Variants in PIK3CG observed in about 807,000 individuals in gnomAD.
PIK3CG encodes the protein phosphatidylinositol 4,5-bisphosphate 3-kinase catalytic subunit gamma isoform.
PIK3CG carries 55 observed loss-of-function variants against 102.3 expected under a neutral mutation model. The ratio of observed to expected loss-of-function variants is 0.54; its 90% CI spans 0.43 to 0.67. The LOEUF is 0.67. PIK3CG is among the 30% of genes least tolerant of loss of function. The pLI is 0.00. For missense variants in PIK3CG, 1,258 were observed against 1,391.8 expected (o/e 0.90, Z 1.53); for synonymous variants, 552 against 540.0 (o/e 1.02, Z -0.31).
intron 10 of PIK3CG, among the ~76,000 whole-genome samples, chr7:106,904,831 A>G (rs1180681790): frequency 6.6e-6 from 1 of 152,238 alleles, no homozygotes; most frequent in East Asian, 1.9e-4. Flanking sequence ...CTCTTGGGAA[A>G]GAAACTGAAT....
At position 106,875,076 on chromosome 7, in the gene PIK3CG, C is replaced by T. The variant is rs192617196; in HGVS notation, c.2391+273C>T. 7.6e-4 allele frequency among the ~76,000 whole-genome samples: 115 copies of T among 152,214 alleles called. 2 individuals carry two copies. The highest frequency in any genetic ancestry group is 6.2e-3 in the Admixed American group (95 of 15,298). On this transcript the variant is annotated intron_variant, in intron 5 of 10. Coordinates refer to ENST00000496166, the MANE Select transcript of PIK3CG (RefSeq NM_001282426.2). ...TAAAATGTAGAATTCAGGGAACAGG[C>T]GCGGTAGCTCACGCCTGTAATCCCA... is the stretch of plus-strand genomic sequence containing the variant.
intron 1 of PIK3CG, among the ~76,000 whole-genome samples, chr7:106,866,134 C>T (rs1790274775): frequency 6.6e-6 from 1 of 152,168 alleles, no homozygotes; most frequent in Non-Finnish European, 1.5e-5. Context: ...TTATCAAGCT[C>T]TCCTTTTTGG....
In PIK3CG at chr7:106,879,542, C is replaced by G. The variant is rs1790871190; in HGVS notation, c.2415C>G (p.Ala805=). 2 of 1,613,632 alleles carry G rather than the reference C, an allele frequency of 1.2e-6. No individual in the cohort carries two copies. Among genetic ancestry groups the G allele is most frequent in the East Asian group, 2.2e-5 (1 of 44,866 alleles). ...AGATTGAAAAATGTAAAGTAATGGCCTCCAAGAAAAAACCACTATGGCTTG... is the reference window on the plus strand; with the variant it reads ...AGATTGAAAAATGTAAAGTAATGGCGTCCAAGAAAAAACCACTATGGCTTG... ...ALAIEKCKVM[A]SKKKPLWLEF... is the part of the protein sequence containing the mutation. The change falls in exon 6 of 11, where the codon GCC becomes GCG. Residue 805 remains alanine (A), a synonymous_variant. Transcript: ENST00000496166. This position sits in a 1 kb window ranked among gnomAD's most constrained non-coding sequence, Gnocchi z 4.9.
chr7:106,891,280 G>T lies in PIK3CG; in HGVS notation c.3030+4988G>T, dbSNP rs1791256177. On this transcript the variant is annotated intron_variant, in intron 10 of 10. Transcript: ENST00000496166. The surrounding 1 kb of genome is among the most constrained non-coding windows in gnomAD (Gnocchi z 4.4). ...TGAGTTTCACAATAACTCAGGCCCA[G>T]ATTGACAGACCATCATCACATGGAA... is the stretch of plus-strand genomic sequence containing the variant. Among the ~76,000 whole-genome samples the T allele has an allele frequency of 6.6e-6, 1 of 152,218 alleles. No homozygotes were observed. The highest frequency in any genetic ancestry group is 2.1e-4 in the South Asian group (1 of 4,832).
In PIK3CG at chr7:106,892,435, ACTGC is replaced by A. The variant is rs1325475960; in HGVS notation, c.3030+6146_3030+6149del. Among the ~76,000 whole-genome samples, 1 of 152,272 alleles carries A rather than the reference ACTGC, an allele frequency of 6.6e-6. No individual in the cohort carries two copies. The highest frequency in any genetic ancestry group is 1.5e-5 in the Non-Finnish European group (1 of 68,050). On this transcript the variant is annotated intron_variant, in intron 10 of 10. Coordinates refer to ENST00000496166, the MANE Select transcript of PIK3CG (RefSeq NM_001282426.2). This position sits in a 1 kb window ranked among gnomAD's most constrained non-coding sequence, Gnocchi z 5.2. ...TGCCAGGCATAAAGAAGGATCAGGT[ACTGC>A]CTTTGGCAAGGCAAGATATTTTCCC... is the stretch of plus-strand genomic sequence containing the variant.
chr7:106,887,660 G>C (rs1331791967), intron 10 of PIK3CG, among the ~76,000 whole-genome samples: 3 of 151,970 alleles, frequency 2.0e-5, no homozygotes, highest in Non-Finnish European at 4.4e-5. Context: ...TGAGTTTCAG[G>C]CTATTTCCAG....
At chr7:106,870,791 C>A (rs1032246736) in intron 2 of PIK3CG, among the ~76,000 whole-genome samples, 8 of 152,158 alleles carry the variant, frequency 5.3e-5, no homozygotes, top group Non-Finnish European at 1.0e-4. Context: ...CAATCTTCAC[C>A]TTCCTGTTAG....
chr7:106,887,751 T>C (rs74788416), intron 10 of PIK3CG, among the ~76,000 whole-genome samples: 1,948 of 151,906 alleles, frequency 0.013, 11 homozygotes, highest in Non-Finnish European at 0.019. Context: ...AGAGAAATGG[T>C]TCCAAAAAAA....
rs756438777 is a variant in PIK3CG, at chr7:106,879,713, A to G, written c.2538+48A>G. The G allele has an allele frequency of 7.0e-7, 1 of 1,424,798 alleles. No homozygotes were observed. The highest frequency in any genetic ancestry group is 9.8e-7 in the Non-Finnish European group (1 of 1,016,666). The allele number at this position is 1,424,798 out of a possible 1,614,324, so 88.3% of individuals were successfully genotyped here. Reference sequence around the variant, plus strand: ...TTCAATTATCTGAAAACAATTCTATATTACATCAAAAACATGCTTTCTCCT... The same window carrying G: ...TTCAATTATCTGAAAACAATTCTATGTTACATCAAAAACATGCTTTCTCCT... On this transcript the variant is annotated intron_variant, in intron 6 of 10. Transcript: ENST00000496166. This position sits in a 1 kb window ranked among gnomAD's most constrained non-coding sequence, Gnocchi z 4.9.
rs1002259704 is a variant in PIK3CG at position 106,867,076 on chromosome 7, T to C, written c.-12-474T>C. On this transcript the variant is annotated intron_variant, in intron 1 of 10. Coordinates refer to ENST00000496166, the MANE Select transcript of PIK3CG (RefSeq NM_001282426.2). This position sits in a 1 kb window ranked among gnomAD's most constrained non-coding sequence, Gnocchi z 5.1. ...GACTTGAACCTTAACTGTACTATTT[T>C]AGTAATCTATATGTTTCAGTATGTT... is the stretch of plus-strand genomic sequence containing the variant. Among the ~76,000 whole-genome samples, 3 of 152,204 alleles carry C rather than the reference T, an allele frequency of 2.0e-5. No individual in the cohort carries two copies. The highest frequency in any genetic ancestry group is 4.8e-5 in the African/African-American group (2 of 41,436).
In PIK3CG at chr7:106,884,096, A is replaced by G. The variant is rs1791017771; in HGVS notation, c.2761-59A>G. 4.0e-6 allele frequency: 5 copies of G among 1,238,804 alleles called. No homozygotes were observed. The highest frequency in any genetic ancestry group is 5.9e-6 in the Non-Finnish European group (5 of 848,082). 76.7% of individuals were successfully genotyped at this position (1,238,804 alleles called of 1,614,324 possible). A position where few individuals can be genotyped will look rare whatever the true frequency, so the allele number is the denominator to read the frequency against. ...TATTCTCTTTTTAGAAGTCATTTGT[A>G]GATTCATGATGCTTTTTGTAGTTAG... On this transcript the variant is annotated intron_variant, in intron 8 of 10. Coordinates refer to ENST00000496166, the MANE Select transcript of PIK3CG (RefSeq NM_001282426.2). The surrounding 1 kb of genome is among the most constrained non-coding windows in gnomAD (Gnocchi z 4.2).
intron 10 of PIK3CG, among the ~76,000 whole-genome samples, chr7:106,898,843 C>T (rs948281603): frequency 2.0e-5 from 3 of 152,070 alleles, no homozygotes; most frequent in African/African-American, 7.2e-5. Flanking sequence ...TTAGGATTGC[C>T]TTGGCTATTT....
At chr7:106,871,146 G>T (rs1790518142) in intron 2 of PIK3CG, among the ~76,000 whole-genome samples, 1 of 152,190 alleles carries the variant, frequency 6.6e-6, no homozygotes, top group Non-Finnish European at 1.5e-5. Context: ...ATAGTCATTT[G>T]TAAAACTACT....
intron 10 of PIK3CG, 58 bp downstream of exon 10, chr7:106,886,350 G>T: frequency 6.4e-7 from 1 of 1,567,634 alleles, no homozygotes; most frequent in Non-Finnish European, 8.7e-7. Context: ...GGTTCCTGCA[G>T]CACTCCGCAG....
At position 106,893,525 on chromosome 7, in the gene PIK3CG, A is replaced by G. The variant is rs149216920; in HGVS notation, c.3030+7233A>G. Among the ~76,000 whole-genome samples the G allele has an allele frequency of 7.7e-3, 1,166 of 152,348 alleles. 21 individuals are homozygous for G. Among genetic ancestry groups the G allele is most frequent in the African/African-American group, 0.024 (1,009 of 41,576 alleles). On this transcript the variant is annotated intron_variant, in intron 10 of 10. Transcript: ENST00000496166. This position sits in a 1 kb window ranked among gnomAD's most constrained non-coding sequence, Gnocchi z 4.4. ...TTTCTTTCAGAACATTTTGTCTAAC[A>G]TAGAATATTGTCAGGGACATTGTTT... is the stretch of plus-strand genomic sequence containing the variant.
rs1388523338 is a variant in PIK3CG at position 106,906,399 on chromosome 7, T to G, written c.*1012T>G. 1.3e-5 allele frequency: 3 copies of G among 230,290 alleles called. No individual in the cohort carries two copies. The highest frequency in any genetic ancestry group is 6.6e-5 in the African/African-American group (3 of 45,218). 14.3% of individuals were successfully genotyped at this position (230,290 alleles called of 1,614,324 possible). A position where few individuals can be genotyped will look rare whatever the true frequency, so the allele number is the denominator to read the frequency against. On this transcript the variant is annotated 3_prime_UTR_variant, in exon 11 of 11. Transcript: ENST00000496166. Reference sequence around the variant, plus strand: ...AGGAGGCATTCTAGAAAATATGAATTAGTTTCCAAATGCCTTAATTTTAAA... The same window carrying G: ...AGGAGGCATTCTAGAAAATATGAATGAGTTTCCAAATGCCTTAATTTTAAA...
rs1449193810 is a variant in PIK3CG at position 106,902,192 on chromosome 7, C to T, written c.3031-2917C>T. On this transcript the variant is annotated intron_variant, in intron 10 of 10. Coordinates refer to ENST00000496166, the MANE Select transcript of PIK3CG (RefSeq NM_001282426.2). This position sits in a 1 kb window ranked among gnomAD's most constrained non-coding sequence, Gnocchi z 4.3. ...GATGCAGGTCAGCAGTGGCTCAGTG[C>T]AAGCAGCCCAGGATGGAGAGTCTGT... Among the ~76,000 whole-genome samples the T allele has an allele frequency of 6.6e-6, 1 of 152,158 alleles. No individual in the cohort carries two copies. Among genetic ancestry groups the T allele is most frequent in the Non-Finnish European group, 1.5e-5 (1 of 68,036 alleles).
Position 106,884,193 on chromosome 7 carries a change from A to G in PIK3CG, c.2799A>G (p.Ala933=), listed in dbSNP as rs939345261. The G allele has an allele frequency of 3.1e-6, 5 of 1,613,838 alleles. No homozygotes were observed. In the African/African-American group the frequency reaches 5.3e-5, roughly 17 times the overall value. The change falls in exon 9 of 11, where the codon GCA becomes GCG. Residue 933 remains alanine, a synonymous_variant. Transcript: ENST00000496166. The surrounding 1 kb of genome is among the most constrained non-coding windows in gnomAD (Gnocchi z 4.2). The stretch of plus-strand genomic sequence containing the variant: ...TGGAGAGATTTGTTTATTCCTGTGC[A>G]GGCTACTGTGTGGCAACCTTTGTTC... ...AAVERFVYSC[A]GYCVATFVLG... is the part of the protein sequence containing the mutation.
Position 106,884,312 on chromosome 7 carries a change from A to G in PIK3CG, c.2872+46A>G. ...ATAAACTTTTATTGTGGTAAAATATATATAACATAACATTTACTATTTTAA... is the reference window on the plus strand; with the variant it reads ...ATAAACTTTTATTGTGGTAAAATATGTATAACATAACATTTACTATTTTAA... On this transcript the variant is annotated intron_variant, in intron 9 of 10. Transcript: ENST00000496166. The surrounding 1 kb of genome is among the most constrained non-coding windows in gnomAD (Gnocchi z 4.2). 1 of 1,188,978 alleles carries G rather than the reference A, an allele frequency of 8.4e-7. No individual in the cohort carries two copies. Among genetic ancestry groups the G allele is most frequent in the Non-Finnish European group, 1.3e-6 (1 of 797,032 alleles). 73.7% of individuals were successfully genotyped at this position (1,188,978 alleles called of 1,614,324 possible). A position where few individuals can be genotyped will look rare whatever the true frequency, so the allele number is the denominator to read the frequency against.
Sources: allele counts gnomAD v4.1 joint callset (sites outside exome capture counted in the v4.1 genomes callset), GRCh38; gene constraint gnomAD v4.1.1; non-coding constraint Gnocchi (gnomAD v3.1); transcripts MANE v1.5; gene names NCBI Gene and HGNC (gene_info 2026-07-23, HGNC 2026-07-21).